The following CDH4 variants were observed in gnomAD, a reference collection of about 807,000 sequenced individuals.
The protein encoded by CDH4 is cadherin 4, also known as cadherin-4.
In CDH4, 33 loss-of-function variants were observed where a neutral mutation model predicts 86.0. The observed-to-expected ratio is 0.38, with a 90% confidence interval of 0.29 to 0.51. The LOEUF is 0.51. Among genes scored for constraint, CDH4 ranks in the 20% least tolerant of loss-of-function variants. CDH4 has a pLI of 0.86. For missense variants in CDH4, 1,114 were observed against 1,307.4 expected (o/e 0.85, Z 2.28); for synonymous variants, 555 against 549.4 (o/e 1.01, Z -0.14).
intron 2 of CDH4, among the ~76,000 whole-genome samples, chr20:61,688,581 G>A (rs2145868766): frequency 6.6e-6 from 1 of 152,296 alleles, no homozygotes; most frequent in South Asian, 2.1e-4. Context: ...GACACAGGCT[G>A]GAGTCCTCCA....
chr20:61,387,652 G>C (rs1397653907), intron 2 of CDH4, among the ~76,000 whole-genome samples: 3 of 152,152 alleles, frequency 2.0e-5, no homozygotes, highest in Admixed American at 1.3e-4. Context: ...ACATCCCGAT[G>C]TCCTGTTTGA....
intron 13 of CDH4, among the ~76,000 whole-genome samples, chr20:61,930,959 C>T (rs1325930756): frequency 6.6e-6 from 1 of 151,542 alleles, no homozygotes; most frequent in Non-Finnish European, 1.5e-5. Flanking sequence ...GTGCAGGAGA[C>T]CTGGGCCACT....
chr20:61,385,456 C>T (rs1408869612), intron 2 of CDH4, among the ~76,000 whole-genome samples: 1 of 140,104 alleles, frequency 7.1e-6, no homozygotes, highest in Non-Finnish European at 1.6e-5. Context: ...ATCCCCGCCG[C>T]CCCCCGCCCC....
intron 3 of CDH4, among the ~76,000 whole-genome samples, chr20:61,753,251 C>T (rs1390463758): frequency 6.6e-6 from 1 of 152,122 alleles, no homozygotes; most frequent in Non-Finnish European, 1.5e-5. Context: ...TTTCCTGGTT[C>T]TGTAAATTTC....
intron 2 of CDH4, among the ~76,000 whole-genome samples, chr20:61,358,076 C>T (rs538809334): frequency 6.6e-6 from 1 of 152,296 alleles, no homozygotes; most frequent in East Asian, 1.9e-4. Flanking sequence ...TCTGGGAAGA[C>T]ATGTTAGGAC....
chr20:61,504,506 C>G (rs890336047), intron 2 of CDH4, among the ~76,000 whole-genome samples: 11 of 152,118 alleles, frequency 7.2e-5, no homozygotes, highest in African/African-American at 2.7e-4. Flanking sequence ...CAGGGGGTGG[C>G]TTTTGAAGCC....
At chr20:61,304,093 G>T (rs2427062) in intron 2 of CDH4, among the ~76,000 whole-genome samples, 24,212 of 152,092 alleles carry the variant, frequency 0.16, 2,082 homozygotes, top group East Asian at 0.37. Context: ...CGTGTCCTGG[G>T]GCCTGGGAAG....
chr20:61,524,018 TG>T (rs1404234985), intron 2 of CDH4, among the ~76,000 whole-genome samples: 1 of 152,212 alleles, frequency 6.6e-6, no homozygotes, highest in African/African-American at 2.4e-5. Flanking sequence ...AGAAGCCACT[TG>T]TGAACTGTAG....
At chr20:61,620,385 A>G (rs1007280321) in intron 2 of CDH4, among the ~76,000 whole-genome samples, 1 of 149,434 alleles carries the variant, frequency 6.7e-6, no homozygotes, top group African/African-American at 2.6e-5. Flanking sequence ...CATGATAGAT[A>G]CCTAGATAAT....
intron 2 of CDH4, among the ~76,000 whole-genome samples, chr20:61,358,381 C>T (rs1399382480): frequency 1.3e-5 from 2 of 152,212 alleles, no homozygotes; most frequent in Non-Finnish European, 1.5e-5. Flanking sequence ...CTGACCTCCA[C>T]GAGGGGCTCA....
At position 61,852,749 on chromosome 20, in the gene CDH4, T is replaced by C. The variant is rs774078094; in HGVS notation, c.733-5T>C. 1 of 1,607,606 alleles carries C rather than the reference T, an allele frequency of 6.2e-7. No homozygotes were observed. The highest frequency in any genetic ancestry group is 2.2e-5 in the East Asian group (1 of 44,564). ...CACTGGGCCCTGTCTCTGCTGCTTT[T>C]CCAGCTCCGAGCCCACGCTGTGGAC... On this transcript the variant is annotated splice_region_variant and splice_polypyrimidine_tract_variant and intron_variant, in intron 5 of 15. Transcript: ENST00000614565.
chr20:61,486,638 C>T (rs1227746415), intron 2 of CDH4, among the ~76,000 whole-genome samples: 1 of 152,128 alleles, frequency 6.6e-6, no homozygotes, highest in Non-Finnish European at 1.5e-5. Flanking sequence ...TGCCTGTAAT[C>T]CCAGAGTTTT....
intron 2 of CDH4, among the ~76,000 whole-genome samples, chr20:61,405,204 C>G (rs187191578): frequency 9.5e-4 from 145 of 151,998 alleles, no homozygotes; most frequent in African/African-American, 3.0e-3. Context: ...GGATGCGCTG[C>G]GTATCTGTGT....
At chr20:61,351,674 T>A (rs1484030772) in intron 2 of CDH4, among the ~76,000 whole-genome samples, 1 of 152,124 alleles carries the variant, frequency 6.6e-6, no homozygotes, top group Non-Finnish European at 1.5e-5. Context: ...ATCCTTTGTG[T>A]AACAAACTAA....
chr20:61,677,877 TA>T (rs1415451167), intron 2 of CDH4, among the ~76,000 whole-genome samples: 1 of 99,862 alleles, frequency 1.0e-5, no homozygotes, highest in Non-Finnish European at 2.2e-5. Context: ...AGATGATGGA[TA>T]GATGATGGAT....
At chr20:61,585,584 TAC>T (rs1280711488) in intron 2 of CDH4, among the ~76,000 whole-genome samples, 7 of 152,262 alleles carry the variant, frequency 4.6e-5, no homozygotes, top group African/African-American at 1.4e-4. Context: ...TATTGTTGGA[TAC>T]TCCCGAACTT....
At chr20:61,624,559 C>T (rs76889899) in intron 2 of CDH4, among the ~76,000 whole-genome samples, 3,979 of 152,314 alleles carry the variant, frequency 0.026, 134 homozygotes, top group African/African-American at 0.09. Flanking sequence ...CAAGGCCAGG[C>T]AGCCAGGAGA....
chr20:61,468,361 ATTCT>A (rs1381843285), intron 2 of CDH4, among the ~76,000 whole-genome samples: 2 of 54,812 alleles, frequency 3.6e-5, no homozygotes, highest in African/African-American at 2.5e-4. Flanking sequence ...GTAAGGTTAA[ATTCT>A]TTCTCTTTCT....
chr20:61,878,630 A>G (rs2146159201), intron 7 of CDH4, among the ~76,000 whole-genome samples: 1 of 152,270 alleles, frequency 6.6e-6, no homozygotes, highest in Admixed American at 6.5e-5. Flanking sequence ...CCAGACATGG[A>G]GAGGTCATCC....
Sources: gnomAD v4.1 joint callset for allele counts (sites outside exome capture counted in the v4.1 genomes callset) on GRCh38, gnomAD v4.1.1 for gene constraint, MANE v1.5 for transcripts, NCBI Gene and HGNC (gene_info 2026-07-23, HGNC 2026-07-21) for gene names.